RBM41: variants seen among roughly 807,000 people sequenced by gnomAD.
The protein encoded by RBM41 is RNA-binding protein 41.
Under a neutral mutation model 30.8 loss-of-function variants are expected in RBM41, and 14 were observed. The observed-to-expected ratio is 0.45, with a 90% CI of 0.30 to 0.71. The LOEUF is 0.71. Among genes scored for constraint, RBM41 ranks in the 30% least tolerant of loss-of-function variants. The pLI is 0.08. For synonymous variants in RBM41, 120 were observed against 110.1 expected (o/e 1.09, Z -0.56); for missense variants, 276 against 326.3 (o/e 0.85, Z 1.19).
At chrX:107,077,193 G>A (rs1051121088) in intron 6 of RBM41, among the ~76,000 whole-genome samples, 2 of 111,620 alleles carry the variant, frequency 1.8e-5, no homozygotes, top group African/African-American at 6.5e-5. Flanking sequence ...GTGCAATGGT[G>A]TGATCTCGGC....
intron 5 of RBM41, among the ~76,000 whole-genome samples, chrX:107,093,244 T>C (rs1027590081): frequency 9.0e-6 from 1 of 111,564 alleles, no homozygotes; most frequent in African/African-American, 3.3e-5. Flanking sequence ...ATTTTTAATG[T>C]TGGTCTGGAT....
chrX:107,101,882 G>T (rs1439728456), intron 5 of RBM41, among the ~76,000 whole-genome samples: 2 of 111,768 alleles, frequency 1.8e-5, no homozygotes, highest in Admixed American at 1.9e-4. Context: ...GTAGAGGCTG[G>T]AAGAATTTTG....
rs183776232 is a variant in RBM41 at position 107,067,745 on chromosome X, C to T, written c.1148-52G>A. On this transcript the variant is annotated intron_variant, in intron 7 of 7. Transcript: ENST00000685964. Reference sequence around the variant, plus strand: ...TTACATAGGACTTAATAATTCAATTCTATTCCAGGTTTAGTTTAGATTATT... The same window carrying T: ...TTACATAGGACTTAATAATTCAATTTTATTCCAGGTTTAGTTTAGATTATT... 1,603 of 1,112,322 alleles carry T rather than the reference C, an allele frequency of 1.4e-3. 36 individuals are homozygous for T. In the Admixed American group the frequency reaches 0.041, roughly 29 times the overall value. 91.7% of individuals were successfully genotyped at this position (1,112,322 alleles called of 1,213,427 possible). A position where few individuals can be genotyped will look rare whatever the true frequency, so the allele number is the denominator to read the frequency against.
intron 5 of RBM41, among the ~76,000 whole-genome samples, chrX:107,107,399 T>C (rs1389624937): frequency 9.0e-6 from 1 of 111,596 alleles, no homozygotes; most frequent in African/African-American, 3.3e-5. Flanking sequence ...TGGAAGACTG[T>C]TAAAAATGAC....
At position 107,116,691 on chromosome X, in the gene RBM41, G is replaced by C. The variant is rs373274432; in HGVS notation, c.84C>G (p.Ser28Arg). ...AAGTATCAAGTTGATGCTGAAGGAG[G>C]CTTTTCAGCTGCCTCTCCCCTTCTG... ...LETEGERQLKSLLQHQLDTSV... is the reference protein window; with the variant it reads ...LETEGERQLKRLLQHQLDTSV... The change falls in exon 2 of 8, where the codon AGC (serine) becomes AGG (arginine). Residue 28 changes from serine (S) to arginine (R), a missense_variant. Physicochemically the swap from Ser to Arg is moderately radical, Grantham distance 110. Transcript: ENST00000685964. 1.4e-4 allele frequency: 166 copies of C among 1,208,841 alleles called. No homozygotes were observed. The highest frequency in any genetic ancestry group is 1.8e-4 in the Non-Finnish European group (162 of 895,107).
intron 5 of RBM41, among the ~76,000 whole-genome samples, chrX:107,100,045 T>C (rs1452848487): frequency 2.7e-5 from 3 of 112,415 alleles, no homozygotes; most frequent in East Asian, 5.5e-4. Context: ...ATGTGGCAAG[T>C]TGTCAACAGT....
chrX:107,094,179 G>T, intron 5 of RBM41, among the ~76,000 whole-genome samples: 1 of 111,626 alleles, frequency 9.0e-6, no homozygotes, highest in Non-Finnish European at 1.9e-5. Flanking sequence ...TTCAGAAAAG[G>T]GAAGAGAAGG....
rs1454166866 is a variant in RBM41, at chrX:107,066,393, C to A, written c.*1134G>T. On this transcript the variant is annotated 3_prime_UTR_variant, in exon 8 of 8. Coordinates refer to ENST00000685964, the MANE Select transcript of RBM41 (RefSeq NM_001324242.2). ...AGAATATTTTTCTGCTCCTTCATTTCTTTTCCTTTTTTCCTGTACTCCCAT... is the reference window on the plus strand; with the variant it reads ...AGAATATTTTTCTGCTCCTTCATTTATTTTCCTTTTTTCCTGTACTCCCAT... The A allele has an allele frequency of 9.0e-6, 1 of 111,559 alleles. No individual in the cohort carries two copies. Among genetic ancestry groups the A allele is most frequent in the Non-Finnish European group, 1.9e-5 (1 of 53,073 alleles). 9.2% of individuals were successfully genotyped at this position (111,559 alleles called of 1,213,427 possible). A position where few individuals can be genotyped will look rare whatever the true frequency, so the allele number is the denominator to read the frequency against.
At chrX:107,104,881 G>A (rs1421687485) in intron 5 of RBM41, among the ~76,000 whole-genome samples, 1 of 110,733 alleles carries the variant, frequency 9.0e-6, no homozygotes, top group Non-Finnish European at 1.9e-5. Context: ...AATAATAAGA[G>A]CTATCTATGA....
rs752239874 is a variant in RBM41 at position 107,115,384 on chromosome X, C to T, written c.491G>A (p.Arg164His). 3 of 1,210,399 alleles carry T rather than the reference C, an allele frequency of 2.5e-6. No homozygotes were observed. Among genetic ancestry groups the T allele is most frequent in the Admixed American group, 2.2e-5 (1 of 45,866 alleles). ...ATAAAGAGCCTTAAGGAAGGAGTGA[C>T]GATCAGCTCCCTGAAATAAAGACTT... ...IEKSLFQGAD[R>H]HSFLKALYYQ... The change falls in exon 4 of 8, where the codon CGT becomes CAT. Residue 164 changes from arginine to histidine, a missense_variant. Coordinates refer to ENST00000685964, the MANE Select transcript of RBM41 (RefSeq NM_001324242.2).
At chrX:107,085,740 T>G (rs1481435724) in intron 6 of RBM41, among the ~76,000 whole-genome samples, 1 of 112,222 alleles carries the variant, frequency 8.9e-6, no homozygotes, top group African/African-American at 3.2e-5. Context: ...ATGTCTGTTT[T>G]TATAAACACT....
chrX:107,118,270 C>T (rs746382506), intron 1 of RBM41, among the ~76,000 whole-genome samples: 3 of 103,670 alleles, frequency 2.9e-5, no homozygotes, highest in African/African-American at 1.1e-4. Flanking sequence ...AACAAAGTAC[C>T]GCTCCCTTAC....
chrX:107,069,112 C>T lies in RBM41; in HGVS notation c.1147+143G>A, dbSNP rs962657605. 1.1e-5 allele frequency: 6 copies of T among 545,113 alleles called. No individual in the cohort carries two copies. The South Asian group carries it at 2.7e-4, about 24-fold the overall frequency. 44.9% of individuals were successfully genotyped at this position (545,113 alleles called of 1,213,427 possible). A position where few individuals can be genotyped will look rare whatever the true frequency, so the allele number is the denominator to read the frequency against. ...ATGGAGGAGAGGAAACAGAAAGAAACACTGAAAACATATTTTTCGTTCATT... is the reference window on the plus strand; with the variant it reads ...ATGGAGGAGAGGAAACAGAAAGAAATACTGAAAACATATTTTTCGTTCATT... On this transcript the variant is annotated intron_variant, in intron 7 of 7. Coordinates refer to ENST00000685964, the MANE Select transcript of RBM41 (RefSeq NM_001324242.2).
At chrX:107,070,302 G>A (rs1176733689) in intron 6 of RBM41, 2 of 331,513 alleles carry the variant, frequency 6.0e-6, no homozygotes, top group Admixed American at 3.1e-5. Flanking sequence ...TGAAAGCAAG[G>A]AAACTAAGAG....
intron 6 of RBM41, chrX:107,070,363 G>C (rs1360576970): frequency 3.0e-6 from 1 of 331,051 alleles, no homozygotes; most frequent in Admixed American, 3.1e-5. Context: ...TTGGCTCCTA[G>C]AACGCTGGTA....
At chrX:107,096,489 T>C (rs962125672) in intron 5 of RBM41, among the ~76,000 whole-genome samples, 2 of 111,862 alleles carry the variant, frequency 1.8e-5, no homozygotes, top group African/African-American at 6.5e-5. Flanking sequence ...TCCACAAAGG[T>C]GCCAAGACAA....
intron 5 of RBM41, among the ~76,000 whole-genome samples, chrX:107,106,784 C>T (rs1364606440): frequency 9.4e-6 from 1 of 106,183 alleles, no homozygotes; most frequent in South Asian, 4.3e-4. Context: ...AAACCAAACA[C>T]TGCATGTTCT....
intron 6 of RBM41, among the ~76,000 whole-genome samples, chrX:107,084,115 C>G (rs1385256142): frequency 1.2e-5 from 1 of 86,899 alleles, no homozygotes; most frequent in Non-Finnish European, 2.1e-5. Context: ...TTTTGTCTCC[C>G]TTGTTTCCTT....
intron 5 of RBM41, among the ~76,000 whole-genome samples, chrX:107,094,419 A>T (rs939048047): frequency 1.8e-5 from 2 of 112,407 alleles, no homozygotes; most frequent in Non-Finnish European, 3.8e-5. Context: ...CAATAGATTA[A>T]ATCTTAAATC....
Sources: gnomAD v4.1 joint callset for allele counts (sites outside exome capture counted in the v4.1 genomes callset) on GRCh38, gnomAD v4.1.1 for gene constraint, MANE v1.5 for transcripts, NCBI Gene and HGNC (gene_info 2026-07-23, HGNC 2026-07-21) for gene names.